Variants in NXPH4 observed in about 807,000 individuals in gnomAD.
The protein encoded by NXPH4 is neurexophilin-4.
In NXPH4, 8 loss-of-function variants were observed where a neutral mutation model predicts 21.3. The ratio of observed to expected loss-of-function variants is 0.38; its 90% confidence interval spans 0.22 to 0.68. The LOEUF (loss-of-function observed/expected upper bound fraction) is 0.68. Among genes scored for constraint, NXPH4 ranks in the 30% least tolerant of loss-of-function variants. NXPH4 has a pLI of 0.53. For missense variants in NXPH4, 418 were observed against 416.8 expected (o/e 1.00, Z -0.03); for synonymous variants, 219 against 192.6 (o/e 1.14, Z -1.13).
At position 57,225,732 on chromosome 12, in the gene NXPH4, C is replaced by A. The variant is rs755349277; in HGVS notation, c.912C>A (p.His304Gln). The A allele has an allele frequency of 6.2e-7, 1 of 1,610,386 alleles. No homozygotes were observed. The highest frequency in any genetic ancestry group is 8.5e-7 in the Non-Finnish European group (1 of 1,177,470). Residue 304 changes from histidine (H) to glutamine (Q), a missense_variant, in exon 2 of 2, where the codon CAC becomes CAA. Coordinates refer to ENST00000349394, the MANE Select transcript of NXPH4 (RefSeq NM_007224.4). Reference protein sequence around the residue: ...VCPDYNFQSEHPYFG With the variant: ...VCPDYNFQSEQPYFG ...CAGACTATAACTTCCAGAGTGAGCA[C>A]CCCTACTTCGGATAGCGCCCCTCCC...
chr12:57,224,559 A>G (rs1233151144), intron 1 of NXPH4, among the ~76,000 whole-genome samples: 2 of 152,210 alleles, frequency 1.3e-5, no homozygotes, highest in Non-Finnish European at 2.9e-5. Flanking sequence ...GCCAGGATCC[A>G]GAGCTCCACT....
In NXPH4 at chr12:57,216,812, C is replaced by A. The variant is rs1267156594; in HGVS notation, c.-158C>A. The A allele has an allele frequency of 4.3e-5, 11 of 254,906 alleles. No individual in the cohort carries two copies. The highest frequency in any genetic ancestry group is 1.4e-4 in the African/African-American group (5 of 36,966). 15.8% of individuals were successfully genotyped at this position (254,906 alleles called of 1,614,324 possible). A position where few individuals can be genotyped will look rare whatever the true frequency, so the allele number is the denominator to read the frequency against. ...CGCCCCCAGCGCCGGCTCCGCGCCTCGCGCCCAGTCCGCGGGCCGCGCCGC... is the reference window on the plus strand; with the variant it reads ...CGCCCCCAGCGCCGGCTCCGCGCCTAGCGCCCAGTCCGCGGGCCGCGCCGC... On this transcript the variant is annotated 5_prime_UTR_variant, in exon 1 of 2. Transcript: ENST00000349394. This position sits in a 1 kb window ranked among gnomAD's most constrained non-coding sequence, Gnocchi z 5.3.
At chr12:57,222,440 CAT>C (rs2037101315) in intron 1 of NXPH4, among the ~76,000 whole-genome samples, 1 of 152,036 alleles carries the variant, frequency 6.6e-6, no homozygotes. Context: ...GGGTACAAGA[CAT>C]AGGGGTGCTC....
Position 57,225,013 on chromosome 12 carries a change from T to C in NXPH4, c.193T>C (p.Trp65Arg). The C allele has an allele frequency of 6.7e-7, 1 of 1,493,796 alleles. No homozygotes were observed. The highest frequency in any genetic ancestry group is 1.3e-5 in the South Asian group (1 of 78,794). 92.5% of individuals were successfully genotyped at this position (1,493,796 alleles called of 1,614,324 possible). The change falls in exon 2 of 2, where the codon TGG becomes CGG. Residue 65 changes from tryptophan (W) to arginine (R), a missense_variant. Trp to Arg is a moderately radical substitution (Grantham distance 101, BLOSUM62 -3). Transcript: ENST00000349394. ...GGACGGCCTAGGCGTGGGCCGCGCC[T>C]GGAGCTGGGCCTGGCCGACCAACCA... is the stretch of plus-strand genomic sequence containing the variant. ...SSDGLGVGRA[W>R]SWAWPTNHTG...
rs535423560 is a variant in NXPH4 at position 57,222,554 on chromosome 12, C to T, written c.58-2324C>T. Among the ~76,000 whole-genome samples the T allele has an allele frequency of 2.2e-4, 33 of 152,168 alleles. 1 individual carries two copies. In the South Asian group the frequency reaches 6.0e-3, roughly 28 times the overall value. On this transcript the variant is annotated intron_variant, in intron 1 of 1. Coordinates refer to ENST00000349394, the MANE Select transcript of NXPH4 (RefSeq NM_007224.4). ...ATGACTGGGCTTCTGGAAAGAACAG[C>T]GGTTGGGTGAGATTAGGGACCAGAG...
chr12:57,218,325 G>A (rs1162285070), intron 1 of NXPH4, among the ~76,000 whole-genome samples: 19 of 152,232 alleles, frequency 1.2e-4, no homozygotes, highest in Admixed American at 1.2e-3. Context: ...TGCACGGTAG[G>A]CAGAGGAGCC....
intron 1 of NXPH4, among the ~76,000 whole-genome samples, chr12:57,223,104 A>C (rs549300957): frequency 6.6e-6 from 1 of 152,290 alleles, no homozygotes; most frequent in East Asian, 1.9e-4. Flanking sequence ...GAGACCACTC[A>C]GATACAATTG....
intron 1 of NXPH4, 136 bp from the exon 2 acceptor site, chr12:57,224,742 C>A: frequency 2.3e-6 from 1 of 428,660 alleles, no homozygotes; most frequent in Admixed American, 4.1e-5. Flanking sequence ...CCAAGGCACG[C>A]TCCCTGCCCG....
chr12:57,225,854 C>T lies in NXPH4; in HGVS notation c.*107C>T. 6.7e-7 allele frequency: 1 copy of T among 1,499,702 alleles called. No homozygotes were observed. Among genetic ancestry groups the T allele is most frequent in the Non-Finnish European group, 8.9e-7 (1 of 1,128,086 alleles). 92.9% of individuals were successfully genotyped at this position (1,499,702 alleles called of 1,614,324 possible). A position where few individuals can be genotyped will look rare whatever the true frequency, so the allele number is the denominator to read the frequency against. Reference sequence around the variant, plus strand: ...CCTGTGGCCATGTCGCCCACTCCTTCCACTCTGGGGGCGGAGGGGAATGGC... The same window carrying T: ...CCTGTGGCCATGTCGCCCACTCCTTTCACTCTGGGGGCGGAGGGGAATGGC... On this transcript the variant is annotated 3_prime_UTR_variant, in exon 2 of 2. Coordinates refer to ENST00000349394, the MANE Select transcript of NXPH4 (RefSeq NM_007224.4).
intron 1 of NXPH4, among the ~76,000 whole-genome samples, chr12:57,223,173 C>T (rs899291954): frequency 5.3e-5 from 8 of 152,128 alleles, no homozygotes; most frequent in African/African-American, 9.7e-5. Context: ...TCTATGACTA[C>T]GGATACACCC....
At chr12:57,217,828 G>A (rs143599524) in intron 1 of NXPH4, among the ~76,000 whole-genome samples, 25 of 152,372 alleles carry the variant, frequency 1.6e-4, no homozygotes, top group Non-Finnish European at 2.9e-4. Flanking sequence ...GGTGGAGGGC[G>A]TGGGTCACCG....
In NXPH4 at chr12:57,224,930, G is replaced by C; in HGVS notation, c.110G>C (p.Arg37Pro). 1 of 1,362,196 alleles carries C rather than the reference G, an allele frequency of 7.3e-7. No homozygotes were observed. The highest frequency in any genetic ancestry group is 1.7e-5 in the South Asian group (1 of 58,642). 84.4% of individuals were successfully genotyped at this position (1,362,196 alleles called of 1,614,324 possible). ...GGAAGGCCGCAGTACCTGGGGCTGC[G>C]CCCCGCCGCGGCCGGAGCGGGTGCC... is the stretch of plus-strand genomic sequence containing the variant. ...ESGRPQYLGL[R>P]PAAAGAGAPG... is the part of the protein sequence containing the mutation. The change falls in exon 2 of 2, where the codon CGC (arginine) becomes CCC (proline). Residue 37 changes from arginine to proline, a missense_variant. Arg to Pro is a moderately radical substitution (Grantham distance 103). Coordinates refer to ENST00000349394, the MANE Select transcript of NXPH4 (RefSeq NM_007224.4).
In NXPH4 at chr12:57,225,349, C is replaced by A; in HGVS notation, c.529C>A (p.Gln177Lys). The change falls in exon 2 of 2, where the codon CAG becomes AAG. Residue 177 changes from glutamine to lysine, a missense_variant. Physicochemically the swap from Gln to Lys is moderately conservative, Grantham distance 53. Transcript: ENST00000349394. ...GCCCGGGCCTGTCCCCCACCCTCTG[C>A]AGTCTACGCTCGCCCTGGAGGGGGT... ...WLPGPVPHPL[Q>K]STLALEGVLP... is the part of the protein sequence containing the mutation. 6.3e-7 allele frequency: 1 copy of A among 1,577,824 alleles called. No individual in the cohort carries two copies.
At chr12:57,218,168 G>C (rs753091025) in intron 1 of NXPH4, among the ~76,000 whole-genome samples, 1 of 152,210 alleles carries the variant, frequency 6.6e-6, no homozygotes, top group Admixed American at 6.5e-5. Context: ...GAGTCTAGAA[G>C]GGGTGTATTT....
intron 1 of NXPH4, among the ~76,000 whole-genome samples, chr12:57,220,884 C>T (rs1249743626): frequency 6.6e-6 from 1 of 152,038 alleles, no homozygotes; most frequent in African/African-American, 2.4e-5. Context: ...CTGTTTTGCC[C>T]CACCCTGACC....
At position 57,225,081 on chromosome 12, in the gene NXPH4, C is replaced by A. The variant is rs760761468; in HGVS notation, c.261C>A (p.Pro87=). 2.0e-6 allele frequency: 3 copies of A among 1,480,142 alleles called. No homozygotes were observed. Among genetic ancestry groups the A allele is most frequent in the Non-Finnish European group, 9.0e-7 (1 of 1,114,166 alleles). The allele number at this position is 1,480,142 out of a possible 1,614,324, so 91.7% of individuals were successfully genotyped here. A position where few individuals can be genotyped will look rare whatever the true frequency, so the allele number is the denominator to read the frequency against. Residue 87 remains proline (P), a synonymous_variant, in exon 2 of 2, where the codon CCC becomes CCA. Transcript: ENST00000349394. ...LARAGAAGAL[P]AQRTKRKPSI... ...GGGCAGGGGCAGCCGGGGCGTTGCC[C>A]GCGCAGCGCACCAAGAGGAAGCCGT...
rs200994523 is a variant in NXPH4, at chr12:57,225,404, T to TGGC, written c.585_587dup (p.Ala200dup). On this transcript the variant is annotated inframe_insertion, in exon 2 of 2. Coordinates refer to ENST00000349394, the MANE Select transcript of NXPH4 (RefSeq NM_007224.4). ...CCTGGGCTGGGGCCCCCGCTGGGGA[T>TGGC]GGCAGCAGCAGCGGCGGGGCCCGGG... is the stretch of plus-strand genomic sequence containing the variant. 12,476 of 1,601,858 alleles carry TGGC rather than the reference T, an allele frequency of 7.8e-3. 777 individuals are homozygous for TGGC. The African/African-American group carries it at 0.14, about 18-fold the overall frequency.
At position 57,226,184 on chromosome 12, in the gene NXPH4, G is replaced by GT. The variant is rs1201685917; in HGVS notation, c.*438dup. ...GCTTCACCCTACCCCGCCTAAGACT[G>GT]TAAAGGCCTAAAAACCTCGGCCTGT... On this transcript the variant is annotated 3_prime_UTR_variant, in exon 2 of 2. Transcript: ENST00000349394. The GT allele has an allele frequency of 4.8e-6, 2 of 414,276 alleles. No individual in the cohort carries two copies. The highest frequency in any genetic ancestry group is 4.1e-5 in the African/African-American group (2 of 49,238). 25.7% of individuals were successfully genotyped at this position (414,276 alleles called of 1,614,324 possible). A position where few individuals can be genotyped will look rare whatever the true frequency, so the allele number is the denominator to read the frequency against.
At chr12:57,222,682 C>T (rs73344670) in intron 1 of NXPH4, among the ~76,000 whole-genome samples, 2,439 of 152,180 alleles carry the variant, frequency 0.016, 33 homozygotes, top group African/African-American at 0.039. Flanking sequence ...ACTTCTGGGG[C>T]CTCTTCTCCC....
Sources: allele counts gnomAD v4.1 joint callset (sites outside exome capture counted in the v4.1 genomes callset), GRCh38; gene constraint gnomAD v4.1.1; non-coding constraint Gnocchi (gnomAD v3.1); transcripts MANE v1.5; gene names NCBI Gene and HGNC (gene_info 2026-07-23, HGNC 2026-07-21).